LRRTM4: variants seen among roughly 807,000 people sequenced by gnomAD.
LRRTM4 encodes the protein leucine rich repeat transmembrane neuronal 4.
A neutral mutation model predicts 47.6 loss-of-function variants in LRRTM4; 25 were observed. The ratio of observed to expected loss-of-function variants is 0.53; its 90% CI spans 0.38 to 0.73. The LOEUF (loss-of-function observed/expected upper bound fraction) is 0.73, where lower values mean the gene tolerates loss of function less well. Among genes scored for constraint, LRRTM4 ranks in the 30% least tolerant of loss-of-function variants. The probability of loss-of-function intolerance (pLI) is 0.00; values close to 1 mark genes in which losing one functional copy is unlikely to be tolerated. For missense variants in LRRTM4, 638 were observed against 713.4 expected, an observed-to-expected ratio of 0.89 and a Z score of 1.20; for synonymous variants, 311 against 269.5, an observed-to-expected ratio of 1.15 and a Z score of -1.51.
At chr2:77,262,751 G>A (rs1573162737) in intron 3 of LRRTM4, among the ~76,000 whole-genome samples, 1 of 151,784 alleles carries the variant, frequency 6.6e-6, no homozygotes, top group African/African-American at 2.4e-5. Flanking sequence ...TTTTGGGCAG[G>A]GATATCACAT....
intron 3 of LRRTM4, among the ~76,000 whole-genome samples, chr2:77,461,612 TAAC>T (rs1202307597): frequency 6.6e-6 from 1 of 152,134 alleles, no homozygotes; most frequent in African/African-American, 2.4e-5. Flanking sequence ...ATTTTCAAAG[TAAC>T]AAATATCAAG....
At chr2:77,145,815 T>C (rs574438020) in intron 3 of LRRTM4, among the ~76,000 whole-genome samples, 1 of 143,652 alleles carries the variant, frequency 7.0e-6, no homozygotes, top group Non-Finnish European at 1.5e-5. Context: ...AAAATAAAAA[T>C]AAAAATTGTA....
At chr2:76,769,227 A>G (rs1673583047) in intron 3 of LRRTM4, among the ~76,000 whole-genome samples, 4 of 152,172 alleles carry the variant, frequency 2.6e-5, no homozygotes, top group Admixed American at 2.0e-4. Context: ...CTATTTAAGG[A>G]ACTCCTATTT....
chr2:77,449,331 G>C (rs1026451105), intron 3 of LRRTM4, among the ~76,000 whole-genome samples: 2 of 152,120 alleles, frequency 1.3e-5, no homozygotes, highest in African/African-American at 4.8e-5. Context: ...TTATTAATTA[G>C]AGTCTTTGCA....
chr2:77,067,711 A>ACACC (rs1354866601), intron 3 of LRRTM4, among the ~76,000 whole-genome samples: 2 of 151,548 alleles, frequency 1.3e-5, no homozygotes, highest in African/African-American at 4.9e-5. Flanking sequence ...ACACACACAC[A>ACACC]CACACATACA....
intron 3 of LRRTM4, among the ~76,000 whole-genome samples, chr2:77,083,999 G>T (rs970114866): frequency 1.6e-4 from 24 of 151,316 alleles, no homozygotes; most frequent in Admixed American, 3.9e-4. Flanking sequence ...TAGAGACGGG[G>T]TTTCACCATG....
At chr2:76,930,410 G>A (rs1674733020) in intron 3 of LRRTM4, among the ~76,000 whole-genome samples, 1 of 152,112 alleles carries the variant, frequency 6.6e-6, no homozygotes, top group Non-Finnish European at 1.5e-5. Flanking sequence ...TGTGCTATGG[G>A]TTTTGTTCTT....
Position 77,267,007 on chromosome 2 carries a change from G to A in LRRTM4, c.1551+251311C>T, listed in dbSNP as rs185000886. Among the ~76,000 whole-genome samples the A allele has an allele frequency of 5.1e-3, 774 of 152,036 alleles. 9 individuals carry two copies. The highest frequency in any genetic ancestry group is 0.018 in the African/African-American group (751 of 41,510). ...GGGGTCCTTCCCCACCAAACAAACA[G>A]AAACAAAAAAACAAAAATACCCTGC... is the stretch of plus-strand genomic sequence containing the variant. On this transcript the variant is annotated intron_variant, in intron 3 of 3. Coordinates refer to ENST00000409884, the MANE Select transcript of LRRTM4 (RefSeq NM_001134745.3).
chr2:77,370,083 C>T (rs1643225046), intron 3 of LRRTM4, among the ~76,000 whole-genome samples: 1 of 151,548 alleles, frequency 6.6e-6, no homozygotes, highest in Admixed American at 6.6e-5. Context: ...GCAGGGGATT[C>T]CTGGAAAAGT....
chr2:77,387,964 A>G (rs563786642), intron 3 of LRRTM4, among the ~76,000 whole-genome samples: 31 of 152,230 alleles, frequency 2.0e-4, no homozygotes, highest in Non-Finnish European at 3.4e-4. Context: ...CTTCATATTT[A>G]CACATGACGG....
chr2:76,981,462 A>C (rs908856486), intron 3 of LRRTM4, among the ~76,000 whole-genome samples: 6 of 152,030 alleles, frequency 3.9e-5, no homozygotes, highest in African/African-American at 1.2e-4. Context: ...TAGAAATTTA[A>C]CATCAGTCCA....
intron 3 of LRRTM4, among the ~76,000 whole-genome samples, chr2:77,088,724 C>T (rs1680815927): frequency 6.6e-6 from 1 of 152,110 alleles, no homozygotes; most frequent in African/African-American, 2.4e-5. Flanking sequence ...GAGATCAATC[C>T]CCCGTCCTCC....
chr2:76,812,707 T>C (rs1670773102), intron 3 of LRRTM4, among the ~76,000 whole-genome samples: 1 of 150,606 alleles, frequency 6.6e-6, no homozygotes, highest in Admixed American at 6.6e-5. Flanking sequence ...TTTCTTTCTT[T>C]ATTTCTTTTT....
At chr2:76,920,587 C>G (rs1010120068) in intron 3 of LRRTM4, among the ~76,000 whole-genome samples, 1 of 152,030 alleles carries the variant, frequency 6.6e-6, no homozygotes, top group East Asian at 1.9e-4. Context: ...AGGTTGTCAA[C>G]TTGATTTATT....
intron 3 of LRRTM4, among the ~76,000 whole-genome samples, chr2:77,188,538 TAGGCACC>T (rs1325863956): frequency 6.6e-6 from 1 of 152,196 alleles, no homozygotes; most frequent in Non-Finnish European, 1.5e-5. Context: ...CCGACATTTC[TAGGCACC>T]AGACCCAAAT....
At chr2:77,083,911 T>C (rs1680620913) in intron 3 of LRRTM4, among the ~76,000 whole-genome samples, 1 of 148,356 alleles carries the variant, frequency 6.7e-6, no homozygotes, top group South Asian at 2.2e-4. Context: ...TTCACGCCAT[T>C]CTCCTGCCTC....
At chr2:77,057,399 G>T (rs1271979325) in intron 3 of LRRTM4, among the ~76,000 whole-genome samples, 1 of 152,064 alleles carries the variant, frequency 6.6e-6, no homozygotes, top group Non-Finnish European at 1.5e-5. Flanking sequence ...TTTGAAACCT[G>T]GAACAAGCTA....
chr2:76,974,951 T>C (rs2103951607), intron 3 of LRRTM4, among the ~76,000 whole-genome samples: 1 of 151,904 alleles, frequency 6.6e-6, no homozygotes, highest in Admixed American at 6.6e-5. Context: ...ATTTATGTTC[T>C]ATTTCTTGGT....
intron 3 of LRRTM4, among the ~76,000 whole-genome samples, chr2:76,836,799 C>G (rs867678642): frequency 6.6e-6 from 1 of 152,000 alleles, no homozygotes; most frequent in Non-Finnish European, 1.5e-5. Flanking sequence ...TTTCTTAAAG[C>G]CTAAAAAGGC....
Sources: gnomAD v4.1 joint callset for allele counts (sites outside exome capture counted in the v4.1 genomes callset) on GRCh38, gnomAD v4.1.1 for gene constraint, MANE v1.5 for transcripts, NCBI Gene and HGNC (gene_info 2026-07-23, HGNC 2026-07-21) for gene names.